Variants in PTPRG observed in about 807,000 individuals in gnomAD.
PTPRG encodes receptor-type tyrosine-protein phosphatase gamma.
PTPRG carries 102 observed loss-of-function variants against 165.3 expected under a neutral mutation model. That is an observed-to-expected ratio of 0.62 (90% CI 0.53 to 0.73). The LOEUF is 0.73. PTPRG is among the 30% of genes least tolerant of loss of function. PTPRG has a pLI of 0.00. For missense variants in PTPRG, 1,866 were observed against 1,861.4 expected (o/e 1.00, Z -0.05); for synonymous variants, 675 against 669.5 (o/e 1.01, Z -0.13).
chr3:61,667,183 A>G (rs1702833254), intron 1 of PTPRG, among the ~76,000 whole-genome samples: 1 of 152,192 alleles, frequency 6.6e-6, no homozygotes, highest in African/African-American at 2.4e-5. Context: ...AAAAACCACA[A>G]GTGGCTTATG....
chr3:61,598,154 A>T (rs1202632201), intron 1 of PTPRG, among the ~76,000 whole-genome samples: 1 of 152,160 alleles, frequency 6.6e-6, no homozygotes, highest in Non-Finnish European at 1.5e-5. Flanking sequence ...CACCATCTTG[A>T]TTCTTCTTGT....
intron 5 of PTPRG, among the ~76,000 whole-genome samples, chr3:62,112,172 C>T (rs1702692311): frequency 6.6e-6 from 1 of 152,078 alleles, no homozygotes; most frequent in African/African-American, 2.4e-5. Flanking sequence ...GTGATCTTGG[C>T]TCACTGACTG....
intron 2 of PTPRG, among the ~76,000 whole-genome samples, chr3:61,976,808 T>C (rs753062431): frequency 6.6e-6 from 1 of 151,952 alleles, no homozygotes; most frequent in Non-Finnish European, 1.5e-5. Context: ...CCCGAGTAGC[T>C]GGGATTACAG....
At chr3:61,769,960 A>C (rs1412667155) in intron 2 of PTPRG, 2 of 152,124 alleles carry the variant, frequency 1.3e-5, no homozygotes, top group African/African-American at 4.8e-5. Context: ...AAGAAATAAT[A>C]ATAAATAGTA....
chr3:61,873,290 T>TG (rs1237294140), intron 2 of PTPRG, among the ~76,000 whole-genome samples: 1 of 152,222 alleles, frequency 6.6e-6, no homozygotes, highest in Non-Finnish European at 1.5e-5. Flanking sequence ...ATTCATACCT[T>TG]GGGAGACCAT....
intron 1 of PTPRG, among the ~76,000 whole-genome samples, chr3:61,582,946 G>A (rs1420864779): frequency 1.3e-5 from 2 of 152,176 alleles, no homozygotes; most frequent in Admixed American, 6.6e-5. Context: ...GTTCAGGAGC[G>A]ATAGAATAAT....
intron 1 of PTPRG, among the ~76,000 whole-genome samples, chr3:61,596,593 C>G (rs1347511366): frequency 6.6e-6 from 1 of 152,034 alleles, no homozygotes; most frequent in Non-Finnish European, 1.5e-5. Context: ...TTCTCTCATT[C>G]CTGATGAGGA....
At position 62,212,290 on chromosome 3, in the gene PTPRG, T is replaced by C. The variant is rs116518300; in HGVS notation, c.2156-6561T>C. On this transcript the variant is annotated intron_variant, in intron 12 of 29. Transcript: ENST00000474889. ...TATCAGTTGATACTCCTTTCCTCAT[T>C]GTCATCTTTTCTACACACAGATCCA... Among the ~76,000 whole-genome samples the C allele has an allele frequency of 5.5e-3, 830 of 152,278 alleles. 8 individuals carry two copies. The highest frequency in any genetic ancestry group is 0.019 in the African/African-American group (798 of 41,558).
At chr3:61,894,315 A>AAAAAAAAC in intron 2 of PTPRG, among the ~76,000 whole-genome samples, 1 of 145,120 alleles carries the variant, frequency 6.9e-6, no homozygotes, top group African/African-American at 2.7e-5. Context: ...AAAAAAAAAA[A>AAAAAAAAC]AAAAAAAAAA....
chr3:61,816,622 C>A (rs903453377), intron 2 of PTPRG, among the ~76,000 whole-genome samples: 1 of 152,144 alleles, frequency 6.6e-6, no homozygotes, highest in Non-Finnish European at 1.5e-5. Context: ...GCCTAGAATT[C>A]CTTGGACATC....
chr3:61,770,141 G>A (rs1416713899), intron 2 of PTPRG: 3 of 152,110 alleles, frequency 2.0e-5, no homozygotes, highest in African/African-American at 4.8e-5. Context: ...CCTTGGATTC[G>A]TGCTATATCT....
chr3:62,103,846 A>T (rs1186265962), intron 5 of PTPRG, among the ~76,000 whole-genome samples: 1 of 152,204 alleles, frequency 6.6e-6, no homozygotes, highest in Admixed American at 6.5e-5. Context: ...TAGAGTGTTG[A>T]TGTAATTTTG....
intron 1 of PTPRG, among the ~76,000 whole-genome samples, chr3:61,649,551 A>G (rs770293329): frequency 3.9e-5 from 6 of 152,200 alleles, no homozygotes; most frequent in Non-Finnish European, 8.8e-5. Flanking sequence ...TCTTAATCTC[A>G]TTAACAAGGG....
chr3:62,118,743 C>T (rs1345528981), intron 5 of PTPRG, among the ~76,000 whole-genome samples: 1 of 152,180 alleles, frequency 6.6e-6, no homozygotes, highest in East Asian at 1.9e-4. Flanking sequence ...GTGTCACAGG[C>T]ATCTTTTCAT....
chr3:61,631,079 AAG>A (rs965328446), intron 1 of PTPRG, among the ~76,000 whole-genome samples: 2 of 152,086 alleles, frequency 1.3e-5, no homozygotes, highest in African/African-American at 4.8e-5. Context: ...AAGAAAAAAA[AAG>A]TTTTTTTTTT....
intron 7 of PTPRG, among the ~76,000 whole-genome samples, chr3:62,162,866 C>T (rs1704821532): frequency 6.6e-6 from 1 of 152,214 alleles, no homozygotes; most frequent in South Asian, 2.1e-4. Flanking sequence ...CTCACTTCAC[C>T]TCTTGGTTCC....
intron 12 of PTPRG, among the ~76,000 whole-genome samples, chr3:62,215,284 G>C (rs1039278233): frequency 6.6e-6 from 1 of 152,180 alleles, no homozygotes; most frequent in South Asian, 2.1e-4. Flanking sequence ...GCAGTATTGT[G>C]AATTTGAAAA....
intron 1 of PTPRG, among the ~76,000 whole-genome samples, chr3:61,695,433 GTT>G (rs2030515058): frequency 6.6e-6 from 1 of 152,216 alleles, no homozygotes; most frequent in South Asian, 2.1e-4. Flanking sequence ...ATTGGTTAGG[GTT>G]ATGGGTAGGG....
intron 19 of PTPRG, among the ~76,000 whole-genome samples, chr3:62,268,084 A>AT (rs1346048012): frequency 3.3e-5 from 5 of 152,160 alleles, no homozygotes; most frequent in South Asian, 4.2e-4. Flanking sequence ...CTGTACAGAG[A>AT]TTTTTTAAAG....
Sources: gnomAD v4.1 joint callset for allele counts (sites outside exome capture counted in the v4.1 genomes callset) on GRCh38, gnomAD v4.1.1 for gene constraint, MANE v1.5 for transcripts, NCBI Gene and HGNC (gene_info 2026-07-23, HGNC 2026-07-21) for gene names.